ZNF469: variants seen among roughly 807,000 people sequenced by gnomAD.
ZNF469 encodes the protein zinc finger protein 469.
ZNF469 carries 1 observed loss-of-function variant against 1.0 expected under a neutral mutation model. That is an observed-to-expected ratio of 1.00 (90% CI 0.35 to 4.73). The LOEUF (loss-of-function observed/expected upper bound fraction) is 4.73. Ranked by LOEUF, ZNF469 falls within the 30% of genes most tolerant of loss-of-function variation. ZNF469 has a pLI of 0.16. For missense variants in ZNF469, 6,100 were observed against 5,356.3 expected (o/e 1.14, Z -4.33); for synonymous variants, 2,703 against 2,363.4 (o/e 1.14, Z -4.17).
the ZNF469 span, among the ~76,000 whole-genome samples, chr16:88,176,693 G>A: frequency 7.2e-5 from 11 of 152,364 alleles, no homozygotes; most frequent in African/African-American, 2.6e-4. Context: ...TTGGCAGGTT[G>A]CTACGCTGCC....
At chr16:88,193,550 A>G in the ZNF469 span, 2 of 152,072 alleles carry the variant, frequency 1.3e-5, no homozygotes, top group Non-Finnish European at 2.9e-5. Context: ...GAACATTTTA[A>G]AATTAGCTGG....
At chr16:88,374,629 G>A in the ZNF469 span, among the ~76,000 whole-genome samples, 2 of 152,110 alleles carry the variant, frequency 1.3e-5, no homozygotes, top group African/African-American at 2.4e-5. Flanking sequence ...GGACATTCTT[G>A]TGATGGGTAG....
At chr16:88,151,708 T>C in the ZNF469 span, among the ~76,000 whole-genome samples, 91 of 152,234 alleles carry the variant, frequency 6.0e-4, no homozygotes, top group Middle Eastern at 3.2e-3. This position sits in a 1 kb window ranked among gnomAD's most constrained non-coding sequence, Gnocchi z 5.4. Context: ...CTGCTGTAAA[T>C]GTTCCCCGTA....
the ZNF469 span, among the ~76,000 whole-genome samples, chr16:88,323,539 G>C: frequency 1.1e-3 from 160 of 152,308 alleles, 1 homozygote; most frequent in Non-Finnish European, 1.7e-3. Flanking sequence ...GGGCATGGGA[G>C]GGAGGCCTCA....
chr16:88,106,866 G>T, the ZNF469 span, among the ~76,000 whole-genome samples: 17 of 152,194 alleles, frequency 1.1e-4, no homozygotes, highest in Non-Finnish European at 2.4e-4. Flanking sequence ...GAATCCCACT[G>T]TCTGCCTTCA....
At chr16:88,215,840 T>C in the ZNF469 span, among the ~76,000 whole-genome samples, 1 of 152,218 alleles carries the variant, frequency 6.6e-6, no homozygotes, top group Non-Finnish European at 1.5e-5. Context: ...TCTTAACCGC[T>C]ACTACTTTTA....
chr16:88,113,903 G>A, the ZNF469 span, among the ~76,000 whole-genome samples: 5 of 152,306 alleles, frequency 3.3e-5, no homozygotes, highest in South Asian at 6.2e-4. Flanking sequence ...AGTTCTTGCC[G>A]CACTGAGAGT....
upstream of ZNF469, among the ~76,000 whole-genome samples, chr16:88,380,149 A>C (rs1328249432): frequency 6.7e-6 from 1 of 148,556 alleles, no homozygotes; most frequent in African/African-American, 2.5e-5. Context: ...ACACTCACAC[A>C]CAAATGCACT....
chr16:88,287,365 A>G, the ZNF469 span, among the ~76,000 whole-genome samples: 1 of 152,230 alleles, frequency 6.6e-6, no homozygotes, highest in African/African-American at 2.4e-5. Flanking sequence ...CTAGGTGCAC[A>G]TGTATATGGC....
chr16:88,158,297 C>T, the ZNF469 span, among the ~76,000 whole-genome samples: 35 of 151,814 alleles, frequency 2.3e-4, no homozygotes, highest in African/African-American at 7.0e-4. Flanking sequence ...GTAACAAAGC[C>T]GAGGCTCTGT....
Position 88,438,916 on chromosome 16 carries a change from A to T in ZNF469, c.11446A>T (p.Lys3816Ter). The change falls in exon 3 of 3, where the codon AAG (lysine) becomes TAG (stop). Residue 3816 changes from lysine to a stop codon, truncating the protein, a stop_gained. Transcript: ENST00000565624. LOFTEE classifies it low-confidence loss of function (END_TRUNC). ...GPKEKGESST[K>*]RKKGQVPGPA... is the part of the protein sequence containing the mutation. ...CAAGGAGAAGGGAGAGAGCAGTACGAAGAGGAAAAAGGGCCAGGTCCCAGG... is the reference window on the plus strand; with the variant it reads ...CAAGGAGAAGGGAGAGAGCAGTACGTAGAGGAAAAAGGGCCAGGTCCCAGG... The T allele has an allele frequency of 6.4e-7, 1 of 1,550,570 alleles. No homozygotes were observed. Among genetic ancestry groups the T allele is most frequent in the Non-Finnish European group, 8.7e-7 (1 of 1,146,974 alleles).
the ZNF469 span, among the ~76,000 whole-genome samples, chr16:88,228,170 G>C: frequency 1.3e-5 from 2 of 152,380 alleles, no homozygotes; most frequent in Admixed American, 6.5e-5. Flanking sequence ...GCAGGAAGAC[G>C]TGGCTTTGGA....
rs1056874191 is a variant in ZNF469, at chr16:88,439,046, C to T, written c.11576C>T (p.Pro3859Leu). The T allele has an allele frequency of 2.1e-5, 32 of 1,550,528 alleles. No individual in the cohort carries two copies. In the Admixed American group the frequency reaches 2.5e-4, roughly 12 times the overall value. The change falls in exon 3 of 3, where the codon CCG (proline) becomes CTG (leucine). Residue 3859 changes from proline (P) to leucine (L), a missense_variant. Coordinates refer to ENST00000565624, the MANE Select transcript of ZNF469 (RefSeq NM_001367624.2). ...RKQATPSRVLPTKPKPNSQNK... is the reference protein window; with the variant it reads ...RKQATPSRVLLTKPKPNSQNK... Reference sequence around the variant, plus strand: ...CAGGCAACTCCCAGCCGCGTGCTCCCGACCAAGCCCAAGCCCAACAGCCAG... The same window carrying T: ...CAGGCAACTCCCAGCCGCGTGCTCCTGACCAAGCCCAAGCCCAACAGCCAG...
At chr16:88,213,867 C>G in the ZNF469 span, among the ~76,000 whole-genome samples, 2 of 152,200 alleles carry the variant, frequency 1.3e-5, 1 homozygote, top group African/African-American at 4.8e-5. Context: ...CAGAGGCTTA[C>G]GATGAGAGCT....
At chr16:88,301,019 C>T in the ZNF469 span, among the ~76,000 whole-genome samples, 1 of 151,922 alleles carries the variant, frequency 6.6e-6, no homozygotes. Flanking sequence ...GAGCTGAAAT[C>T]ATGCCATTGC....
At position 88,401,970 on chromosome 16, in the gene ZNF469, G is replaced by A. The variant is rs1157664063; in HGVS notation, c.-192+18716G>A. 1.2e-3 allele frequency among the ~76,000 whole-genome samples: 172 copies of A among 145,774 alleles called. 2 individuals carry two copies. The highest frequency in any genetic ancestry group is 4.3e-3 in the African/African-American group (168 of 38,648). On this transcript the variant is annotated intron_variant, in intron 1 of 2. Transcript: ENST00000565624. ...TGGATGGGAAGATGGATGGGTGGAT[G>A]GATAGATACGTGGGTGGATGGGAAG...
chr16:88,343,282 A>G, the ZNF469 span, among the ~76,000 whole-genome samples: 1 of 152,246 alleles, frequency 6.6e-6, no homozygotes, highest in African/African-American at 2.4e-5. Context: ...GTATGGGGTT[A>G]AAATCCCAAG....
the ZNF469 span, among the ~76,000 whole-genome samples, chr16:88,352,373 G>A: frequency 6.6e-6 from 1 of 152,246 alleles, no homozygotes. Context: ...ACTCATCTGA[G>A]AGAATTTCAC....
At chr16:88,146,801 C>T in the ZNF469 span, among the ~76,000 whole-genome samples, 1 of 152,070 alleles carries the variant, frequency 6.6e-6, no homozygotes, top group Non-Finnish European at 1.5e-5. Flanking sequence ...CCAGGGCACT[C>T]ACGGGGCTTC....
Sources: gnomAD v4.1 joint callset for allele counts (sites outside exome capture counted in the v4.1 genomes callset) on GRCh38, gnomAD v4.1.1 for gene constraint, Gnocchi (gnomAD v3.1) non-coding constraint, MANE v1.5 for transcripts, NCBI Gene and HGNC (gene_info 2026-07-23, HGNC 2026-07-21) for gene names.